Variants in SEMA4D observed in about 807,000 individuals in gnomAD.
The protein encoded by SEMA4D is semaphorin-4D.
In SEMA4D, 22 loss-of-function variants were observed where a neutral mutation model predicts 74.8. That is an observed-to-expected ratio of 0.29 (90% CI 0.21 to 0.42). SEMA4D has a LOEUF of 0.42. Ranked by LOEUF, SEMA4D falls within the 10% of genes least tolerant of loss-of-function variation. The probability of loss-of-function intolerance (pLI) is 1.00; values close to 1 mark genes in which losing one functional copy is unlikely to be tolerated. For missense variants in SEMA4D, 937 were observed against 1,118.4 expected (o/e 0.84, Z 2.31); for synonymous variants, 445 against 463.7 (o/e 0.96, Z 0.52).
chr9:89,479,380 C>G (rs974481471), intron 1 of SEMA4D, among the ~76,000 whole-genome samples: 1 of 152,200 alleles, frequency 6.6e-6, no homozygotes, highest in Non-Finnish European at 1.5e-5. Context: ...CAGCTGTTTC[C>G]GATTTGCTCT....
At chr9:89,403,819 T>C (rs1011566249) in intron 3 of SEMA4D, among the ~76,000 whole-genome samples, 1 of 152,174 alleles carries the variant, frequency 6.6e-6, no homozygotes, top group African/African-American at 2.4e-5. Context: ...ACCCCAGCAC[T>C]TTGGGAGGCC....
intron 1 of SEMA4D, among the ~76,000 whole-genome samples, chr9:89,456,732 A>G (rs1274556208): frequency 2.6e-5 from 4 of 152,118 alleles, no homozygotes; most frequent in Non-Finnish European, 5.9e-5. Flanking sequence ...GCTTAAAGGC[A>G]CATGCCACCA....
At chr9:89,433,312 G>A (rs547614621) in intron 2 of SEMA4D, among the ~76,000 whole-genome samples, 2 of 152,334 alleles carry the variant, frequency 1.3e-5, no homozygotes, top group East Asian at 1.9e-4. Flanking sequence ...GGGCCACCAG[G>A]GGACTTGCTC....
At chr9:89,451,499 C>T (rs897709583) in intron 2 of SEMA4D, among the ~76,000 whole-genome samples, 2 of 152,212 alleles carry the variant, frequency 1.3e-5, no homozygotes, top group African/African-American at 4.8e-5. Context: ...GGAAGCTCAA[C>T]TGGATTTGTT....
chr9:89,383,882 G>A (rs572102325), intron 13 of SEMA4D, among the ~76,000 whole-genome samples: 2 of 152,272 alleles, frequency 1.3e-5, no homozygotes, highest in South Asian at 2.1e-4. Context: ...CCCTGTCTCC[G>A]CCTTCCCTGG....
chr9:89,387,793 G>A lies in SEMA4D; in HGVS notation c.1108-185C>T, dbSNP rs73654774. ...GGTGGCCTCTCCCCAGCCAGCAGAG[G>A]ACACAGTTATAAAACACATCTGCAA... On this transcript the variant is annotated intron_variant, in intron 11 of 15. Transcript: ENST00000422704. Among the ~76,000 whole-genome samples the A allele has an allele frequency of 9.6e-3, 1,456 of 152,276 alleles. 22 individuals are homozygous for A. Among genetic ancestry groups the A allele is most frequent in the African/African-American group, 0.033 (1,389 of 41,566 alleles).
intron 1 of SEMA4D, among the ~76,000 whole-genome samples, chr9:89,482,238 G>A (rs1308428273): frequency 2.6e-5 from 4 of 152,218 alleles, no homozygotes; most frequent in Admixed American, 1.3e-4. Flanking sequence ...CAGAGAATGT[G>A]CACCAGCAAG....
chr9:89,401,901 G>A (rs1281848196), intron 4 of SEMA4D, among the ~76,000 whole-genome samples: 1 of 152,150 alleles, frequency 6.6e-6, no homozygotes, highest in African/African-American at 2.4e-5. Flanking sequence ...TCTTTGATGA[G>A]AAGAGCATCT....
intron 5 of SEMA4D, among the ~76,000 whole-genome samples, chr9:89,398,014 T>C (rs1841372282): frequency 6.6e-6 from 1 of 151,992 alleles, no homozygotes; most frequent in Admixed American, 6.6e-5. Context: ...AAAGTCCCAG[T>C]GATAGAGAAA....
intron 18 of SEMA4D, chr9:89,363,282 G>A (rs1833027777): frequency 8.5e-7 from 1 of 1,171,026 alleles, no homozygotes. Context: ...CCCCAGTGTT[G>A]CAGATTTCAT....
chr9:89,486,503 A>G (rs1241537261), intron 1 of SEMA4D, among the ~76,000 whole-genome samples: 1 of 152,252 alleles, frequency 6.6e-6, no homozygotes, highest in Non-Finnish European at 1.5e-5. Flanking sequence ...ATAAAATTAT[A>G]GCTCAATAAA....
chr9:89,480,603 C>T (rs562029180), intron 1 of SEMA4D, among the ~76,000 whole-genome samples: 10 of 152,352 alleles, frequency 6.6e-5, no homozygotes, highest in Admixed American at 2.0e-4. Flanking sequence ...TCGAGCACAG[C>T]GCCGGTGGGC....
rs1222806243 is a variant in SEMA4D, at chr9:89,442,562, T to C, written c.-244+13326A>G. Among the ~76,000 whole-genome samples the C allele has an allele frequency of 2.0e-5, 3 of 152,200 alleles. No individual in the cohort carries two copies. The East Asian group carries it at 5.8e-4, about 29-fold the overall frequency. ...CATGCATAAAAATAAACCATCTGCC[T>C]GGCCGGGGTCCTCTTCCTCTACTTG... On this transcript the variant is annotated intron_variant, in intron 2 of 15. Transcript: ENST00000422704.
chr9:89,461,309 C>A (rs574367806), intron 1 of SEMA4D, among the ~76,000 whole-genome samples: 1 of 152,278 alleles, frequency 6.6e-6, no homozygotes, highest in East Asian at 1.9e-4. Context: ...CTATCAGCAA[C>A]GAGCAGAAAT....
Position 89,396,817 on chromosome 9 carries a change from T to C in SEMA4D, c.334A>G (p.Ile112Val). 6.2e-7 allele frequency: 1 copy of C among 1,613,748 alleles called. No individual in the cohort carries two copies. Among genetic ancestry groups the C allele is most frequent in the Non-Finnish European group, 8.5e-7 (1 of 1,179,798 alleles). Reference sequence around the variant, plus strand: ...GCGCTGAGTGGCTGCAGCACCCGGATGTAGTTGAGGCACTCTGTCTGCAGG... The same window carrying C: ...GCGCTGAGTGGCTGCAGCACCCGGACGTAGTTGAGGCACTCTGTCTGCAGG... ...KSKQTECLNY[I>V]RVLQPLSATS... The change falls in exon 6 of 16, where the codon ATC becomes GTC. Residue 112 changes from isoleucine (I) to valine (V), a missense_variant. Ile to Val is a conservative substitution (Grantham distance 29, BLOSUM62 3). Coordinates refer to ENST00000422704, the MANE Select transcript of SEMA4D (RefSeq NM_001371194.2).
intron 13 of SEMA4D, among the ~76,000 whole-genome samples, chr9:89,383,971 G>A (rs939643098): frequency 6.6e-6 from 1 of 152,104 alleles, no homozygotes; most frequent in African/African-American, 2.4e-5. Context: ...GTCAGACCCC[G>A]AGGGCAGGTT....
At chr9:89,462,532 A>C (rs75167003) in intron 1 of SEMA4D, among the ~76,000 whole-genome samples, 4,252 of 152,272 alleles carry the variant, frequency 0.028, 115 homozygotes, top group South Asian at 0.098. Flanking sequence ...TGTACAAAAT[A>C]GGTGGGGTTG....
chr9:89,462,265 T>C (rs1245690023), intron 1 of SEMA4D, among the ~76,000 whole-genome samples: 2 of 152,196 alleles, frequency 1.3e-5, no homozygotes, highest in Non-Finnish European at 2.9e-5. Flanking sequence ...CAGGTATAGA[T>C]CATCTGGCTA....
chr9:89,374,922 G>A (rs1246727506), downstream of SEMA4D, among the ~76,000 whole-genome samples: 1 of 152,142 alleles, frequency 6.6e-6, no homozygotes, highest in Non-Finnish European at 1.5e-5. Flanking sequence ...GCATGGTGAG[G>A]TGTGCCTGTA....
Sources: gnomAD v4.1 joint callset for allele counts (sites outside exome capture counted in the v4.1 genomes callset) on GRCh38, gnomAD v4.1.1 for gene constraint, MANE v1.5 for transcripts, NCBI Gene and HGNC (gene_info 2026-07-23, HGNC 2026-07-21) for gene names.